The following MYO1D variants were observed in gnomAD, a reference collection of about 807,000 sequenced individuals.
MYO1D encodes unconventional myosin-Id.
MYO1D carries 83 observed loss-of-function variants against 122.0 expected under a neutral mutation model. The observed-to-expected ratio is 0.68, with a 90% CI of 0.57 to 0.82. MYO1D has a LOEUF of 0.82. Among genes scored for constraint, MYO1D ranks in the 40% least tolerant of loss-of-function variants. MYO1D has a pLI of 0.00. For synonymous variants in MYO1D, 464 were observed against 446.9 expected, an observed-to-expected ratio of 1.04 and a Z score of -0.48; for missense variants, 1,157 against 1,269.5, an observed-to-expected ratio of 0.91 and a Z score of 1.35.
intron 16 of MYO1D, among the ~76,000 whole-genome samples, chr17:32,700,943 C>CAAAAAAAA (rs751113475): frequency 7.7e-5 from 6 of 78,096 alleles, no homozygotes; most frequent in Non-Finnish European, 1.3e-4. Flanking sequence ...GACTCCATCT[C>CAAAAAAAA]AAAAAAAAAA....
At chr17:32,732,698 C>T (rs1284119854) in intron 14 of MYO1D, among the ~76,000 whole-genome samples, 1 of 152,222 alleles carries the variant, frequency 6.6e-6, no homozygotes, top group Non-Finnish European at 1.5e-5. Flanking sequence ...TTCCTGGACA[C>T]AGGACAACAA....
intron 20 of MYO1D, among the ~76,000 whole-genome samples, chr17:32,621,668 T>C (rs562757201): frequency 6.6e-6 from 1 of 152,282 alleles, no homozygotes; most frequent in African/African-American, 2.4e-5. Flanking sequence ...CCCCAAGCTC[T>C]TGTCCACGGC....
intron 21 of MYO1D, chr17:32,497,553 C>A (rs574191370): frequency 1.3e-5 from 2 of 152,290 alleles, no homozygotes; most frequent in East Asian, 3.8e-4. Context: ...ATTGCTGCTT[C>A]CCACACGGGC....
At chr17:32,748,775 G>A (rs2089867286) in intron 12 of MYO1D, among the ~76,000 whole-genome samples, 161 bp downstream of exon 12, 1 of 152,212 alleles carries the variant, frequency 6.6e-6, no homozygotes, top group African/African-American at 2.4e-5. Context: ...AGGAATGAAT[G>A]AAGCTATGCC....
chr17:32,621,432 G>A (rs146813590), intron 20 of MYO1D, among the ~76,000 whole-genome samples: 35 of 151,904 alleles, frequency 2.3e-4, no homozygotes, highest in Admixed American at 3.9e-4. Context: ...GCATCTTCTC[G>A]TCCTTATTTC....
rs756491458 is a variant in MYO1D, at chr17:32,605,196, AC to A, written c.2754del (p.Phe919SerfsTer32). The A allele has an allele frequency of 6.2e-7, 1 of 1,606,422 alleles. No homozygotes were observed. Among genetic ancestry groups the A allele is most frequent in the Non-Finnish European group, 8.5e-7 (1 of 1,174,162 alleles). ...SVSNGKDQLV[V>X]FHTKDNKDLI... The stretch of plus-strand genomic sequence containing the variant: ...AGGTCTTTGTTGTCTTTCGTATGGA[AC>A]ACTACAAGTTGGTCCTTTCCATTGG... On this transcript the variant is annotated frameshift_variant, in exon 21 of 22. Coordinates refer to ENST00000318217, the MANE Select transcript of MYO1D (RefSeq NM_015194.3). LOFTEE classifies it high-confidence loss of function.
chr17:32,772,724 A>G (rs2090128201), intron 5 of MYO1D, 65 bp downstream of exon 5: 4 of 1,348,446 alleles, frequency 3.0e-6, no homozygotes, highest in Admixed American at 3.4e-5. Flanking sequence ...AAAGCCCAAG[A>G]CACAAATACT....
At chr17:32,585,742 TAA>T (rs5819989) in intron 21 of MYO1D, among the ~76,000 whole-genome samples, 24 of 112,136 alleles carry the variant, frequency 2.1e-4, no homozygotes, top group African/African-American at 3.7e-4. Context: ...CGTCTCAAAA[TAA>T]AAAAAAAAAA....
chr17:32,688,641 C>G (rs938556647), intron 16 of MYO1D, among the ~76,000 whole-genome samples: 1 of 152,136 alleles, frequency 6.6e-6, no homozygotes, highest in African/African-American at 2.4e-5. Flanking sequence ...TAAAAACAAA[C>G]AATGTCGTGC....
intron 10 of MYO1D, among the ~76,000 whole-genome samples, chr17:32,757,059 T>C (rs1434407415): frequency 6.6e-6 from 1 of 152,160 alleles, no homozygotes; most frequent in Non-Finnish European, 1.5e-5. Flanking sequence ...GCTGTCTCCA[T>C]TACCTTCTAT....
At chr17:32,855,099 T>TG (rs1224918344) in intron 1 of MYO1D, among the ~76,000 whole-genome samples, 1 of 152,236 alleles carries the variant, frequency 6.6e-6, no homozygotes, top group African/African-American at 2.4e-5. Flanking sequence ...TGATGCCATA[T>TG]GTAAGGTCAA....
At chr17:32,655,353 A>G (rs1008414396) in intron 17 of MYO1D, among the ~76,000 whole-genome samples, 1 of 152,250 alleles carries the variant, frequency 6.6e-6, no homozygotes, top group Non-Finnish European at 1.5e-5. Flanking sequence ...GAGAAGTGAC[A>G]GATAGCAAAT....
chr17:32,753,432 C>T (rs1221237342), intron 11 of MYO1D, among the ~76,000 whole-genome samples: 2 of 152,146 alleles, frequency 1.3e-5, no homozygotes, highest in African/African-American at 4.8e-5. Context: ...ATCACTACCT[C>T]AGCACTTGTC....
chr17:32,748,957 C>G lies in MYO1D; in HGVS notation c.1517G>C (p.Arg506Pro). The change falls in exon 12 of 22, where the codon CGA (arginine) becomes CCA (proline). Residue 506 changes from arginine to proline, a missense_variant. Physicochemically the swap from Arg to Pro is moderately radical, Grantham distance 103 (BLOSUM62 -2). Transcript: ENST00000318217. The part of the protein sequence containing the change: ...ILEFDRDFRI[R>P]HYAGDVVYSV... ...TCACACTACATCGCCTGCATAATGT[C>G]GAATTCGAAAATCTCGATCAAACTC... The G allele has an allele frequency of 3.1e-6, 5 of 1,613,660 alleles. No individual in the cohort carries two copies. The highest frequency in any genetic ancestry group is 4.2e-6 in the Non-Finnish European group (5 of 1,179,632).
At chr17:32,817,722 CTGAGCTAAG>C (rs1476374273) in intron 1 of MYO1D, among the ~76,000 whole-genome samples, 4 of 152,198 alleles carry the variant, frequency 2.6e-5, no homozygotes, top group Non-Finnish European at 5.9e-5. Context: ...ATGCCAGGCA[CTGAGCTAAG>C]TGGTTTACGT....
At chr17:32,853,697 T>C (rs1407776794) in intron 1 of MYO1D, among the ~76,000 whole-genome samples, 5 of 152,236 alleles carry the variant, frequency 3.3e-5, no homozygotes, top group Non-Finnish European at 7.3e-5. Flanking sequence ...AACTGCTAAT[T>C]GCTTAAATGA....
chr17:32,622,546 G>C (rs769621602), intron 20 of MYO1D, among the ~76,000 whole-genome samples: 2 of 152,178 alleles, frequency 1.3e-5, no homozygotes, highest in Non-Finnish European at 2.9e-5. Flanking sequence ...ATAAGATGGA[G>C]CTGAGGGTAT....
chr17:32,652,437 T>A (rs1489701021), intron 19 of MYO1D, among the ~76,000 whole-genome samples: 1 of 152,242 alleles, frequency 6.6e-6, no homozygotes, highest in African/African-American at 2.4e-5. Flanking sequence ...AATTCTTTGA[T>A]AATTTTCTTA....
chr17:32,525,799 C>T (rs1320213531), intron 21 of MYO1D, among the ~76,000 whole-genome samples: 1 of 152,098 alleles, frequency 6.6e-6, no homozygotes, highest in Admixed American at 6.5e-5. Context: ...GGCTCCCTGG[C>T]GCTACCTTCA....
Sources: allele counts gnomAD v4.1 joint callset (sites outside exome capture counted in the v4.1 genomes callset), GRCh38; gene constraint gnomAD v4.1.1; transcripts MANE v1.5; gene names NCBI Gene and HGNC (gene_info 2026-07-23, HGNC 2026-07-21).